Variants in IL1RAPL1 observed in about 807,000 individuals in gnomAD.
The protein encoded by IL1RAPL1 is interleukin 1 receptor accessory protein like 1.
IL1RAPL1 carries 3 observed loss-of-function variants against 48.4 expected under a neutral mutation model. That is an observed-to-expected ratio of 0.06 (90% confidence interval 0.03 to 0.16). The LOEUF is 0.16. Among genes scored for constraint, IL1RAPL1 ranks in the 10% least tolerant of loss-of-function variants. The pLI, the probability that IL1RAPL1 is intolerant of heterozygous loss-of-function variation, is 1.00. For synonymous variants in IL1RAPL1, 185 were observed against 187.7 expected, an observed-to-expected ratio of 0.99 and a Z score of 0.12; for missense variants, 349 against 530.6, an observed-to-expected ratio of 0.66 and a Z score of 3.36.
chrX:29,604,275 A>C (rs955305027), intron 5 of IL1RAPL1, among the ~76,000 whole-genome samples: 4 of 111,970 alleles, frequency 3.6e-5, no homozygotes, highest in African/African-American at 1.3e-4. Context: ...GAGGATCAGG[A>C]TCAATCTATA....
chrX:29,447,059 A>G (rs766814884), intron 5 of IL1RAPL1, among the ~76,000 whole-genome samples: 55 of 111,573 alleles, frequency 4.9e-4, no homozygotes, highest in Admixed American at 3.4e-3. Context: ...AAATCAACTA[A>G]ATACATTTAT....
chrX:29,134,213 T>C (rs1263265337), intron 2 of IL1RAPL1, among the ~76,000 whole-genome samples: 2 of 111,702 alleles, frequency 1.8e-5, no homozygotes, highest in Non-Finnish European at 3.8e-5. Context: ...ATAAATACTT[T>C]GGAGTGTGAC....
At chrX:28,836,670 G>A (rs896652987) in intron 2 of IL1RAPL1, among the ~76,000 whole-genome samples, 13 of 109,846 alleles carry the variant, frequency 1.2e-4, no homozygotes, top group Non-Finnish European at 2.1e-4. Context: ...AAGGTCACAC[G>A]ATCTACGAGA....
intron 2 of IL1RAPL1, among the ~76,000 whole-genome samples, chrX:28,909,990 G>A (rs1923316659): frequency 9.0e-6 from 1 of 111,641 alleles, no homozygotes; most frequent in Non-Finnish European, 1.9e-5. Flanking sequence ...GAAATTTGGA[G>A]TATTGTATTT....
chrX:29,115,625 C>G (rs974523762), intron 2 of IL1RAPL1, among the ~76,000 whole-genome samples: 1 of 109,578 alleles, frequency 9.1e-6, no homozygotes, highest in African/African-American at 3.3e-5. Flanking sequence ...ATATGTCTCT[C>G]TCTCCCTTAT....
intron 2 of IL1RAPL1, among the ~76,000 whole-genome samples, chrX:29,182,819 G>A (rs1342335346): frequency 1.8e-5 from 2 of 111,682 alleles, no homozygotes; most frequent in Non-Finnish European, 3.8e-5. Context: ...AAGATCTTGA[G>A]ATGGGGAGAT....
intron 5 of IL1RAPL1, among the ~76,000 whole-genome samples, chrX:29,583,745 G>A (rs1427934306): frequency 9.9e-6 from 1 of 101,393 alleles, no homozygotes; most frequent in Non-Finnish European, 2.0e-5. Context: ...AACCAAAAAA[G>A]AGCCCGCATC....
At chrX:29,367,550 A>T (rs866712501) in intron 3 of IL1RAPL1, among the ~76,000 whole-genome samples, 2 of 91,430 alleles carry the variant, frequency 2.2e-5, no homozygotes, top group African/African-American at 4.1e-5. Context: ...GCTTCTATTT[A>T]TTTTTATTTA....
At chrX:29,143,165 G>A (rs770882803) in intron 2 of IL1RAPL1, among the ~76,000 whole-genome samples, 5 of 111,044 alleles carry the variant, frequency 4.5e-5, no homozygotes, top group Admixed American at 9.6e-5. Flanking sequence ...TGTATGAGAC[G>A]GAAACATGGA....
chrX:28,905,949 A>G (rs1033968500), intron 2 of IL1RAPL1, among the ~76,000 whole-genome samples: 2 of 112,095 alleles, frequency 1.8e-5, no homozygotes, highest in African/African-American at 6.5e-5. Flanking sequence ...TCACACTGCT[A>G]TAAAGAAATA....
chrX:28,640,442 T>A (rs774183555), intron 1 of IL1RAPL1, among the ~76,000 whole-genome samples: 1 of 110,412 alleles, frequency 9.1e-6, no homozygotes, highest in East Asian at 2.9e-4. Context: ...GCCCCCCAGG[T>A]TCATGCGATC....
chrX:29,797,706 C>G lies in IL1RAPL1; in HGVS notation c.779-119758C>G, dbSNP rs192193450. On this transcript the variant is annotated intron_variant, in intron 6 of 10. Transcript: ENST00000378993. ...TGGCCAACATGGTGAAACCCTGTCTCTACCAAAAACCCAAAAATTAGCCAG... is the reference window on the plus strand; with the variant it reads ...TGGCCAACATGGTGAAACCCTGTCTGTACCAAAAACCCAAAAATTAGCCAG... Among the ~76,000 whole-genome samples the G allele has an allele frequency of 2.0e-3, 218 of 110,871 alleles. 1 individual carries two copies. Among genetic ancestry groups the G allele is most frequent in the African/African-American group, 6.7e-3 (204 of 30,499 alleles).
intron 2 of IL1RAPL1, among the ~76,000 whole-genome samples, chrX:29,077,422 G>A (rs1187344742): frequency 9.1e-6 from 1 of 110,168 alleles, no homozygotes; most frequent in Non-Finnish European, 1.9e-5. Context: ...GGTCAGCATG[G>A]TGAAACCCCA....
chrX:29,543,115 TTCTCTCTCTC>T (rs59836290), intron 5 of IL1RAPL1, among the ~76,000 whole-genome samples: 24 of 91,694 alleles, frequency 2.6e-4, no homozygotes, highest in South Asian at 6.2e-4. Flanking sequence ...ATCTGTTCGT[TTCTCTCTCTC>T]TCTCTCTCTC....
intron 6 of IL1RAPL1, among the ~76,000 whole-genome samples, chrX:29,803,399 A>ATATGTGTATACATGTATACACATATG: frequency 4.7e-5 from 4 of 84,926 alleles, no homozygotes; most frequent in Non-Finnish European, 6.8e-5. Context: ...ACACATATGT[A>ATATGTGTATACATGTATACACATATG]TATATGTGTA....
chrX:29,572,877 T>G lies in IL1RAPL1; in HGVS notation c.704-95553T>G, dbSNP rs369419809. On this transcript the variant is annotated intron_variant, in intron 5 of 10. Transcript: ENST00000378993. ...GCAATACATTCCAGTTGCATGCAAATGTAAATACCTTCTCTCAATTGCCTG... is the reference window on the plus strand; with the variant it reads ...GCAATACATTCCAGTTGCATGCAAAGGTAAATACCTTCTCTCAATTGCCTG... Among the ~76,000 whole-genome samples the G allele has an allele frequency of 2.7e-5, 3 of 112,869 alleles. No homozygotes were observed. In the South Asian group the frequency reaches 1.1e-3, roughly 41 times the overall value.
rs186294151 is a variant in IL1RAPL1, at chrX:28,970,198, C to T, written c.82+180773C>T. 4.8e-4 allele frequency among the ~76,000 whole-genome samples: 54 copies of T among 111,802 alleles called. 1 individual carries two copies. Among genetic ancestry groups the T allele is most frequent in the African/African-American group, 1.7e-3 (53 of 30,777 alleles). On this transcript the variant is annotated intron_variant, in intron 2 of 10. Coordinates refer to ENST00000378993, the MANE Select transcript of IL1RAPL1 (RefSeq NM_014271.4). The stretch of plus-strand genomic sequence containing the variant: ...TGTATTTGTAGTACAGATGGGGTTT[C>T]ACCATGTTGGCCAGGCTAGTCTCAA...
At chrX:29,820,071 G>T (rs1930577366) in intron 6 of IL1RAPL1, among the ~76,000 whole-genome samples, 2 of 105,499 alleles carry the variant, frequency 1.9e-5, no homozygotes, top group African/African-American at 6.8e-5. Flanking sequence ...ATATTTATAT[G>T]ATATATACTT....
At chrX:29,442,719 G>A (rs1362293802) in intron 5 of IL1RAPL1, among the ~76,000 whole-genome samples, 1 of 109,600 alleles carries the variant, frequency 9.1e-6, no homozygotes, top group Non-Finnish European at 1.9e-5. Flanking sequence ...CTAGCTGGGT[G>A]TGCTGGTCCA....
Sources: gnomAD v4.1 joint callset for allele counts (sites outside exome capture counted in the v4.1 genomes callset) on GRCh38, gnomAD v4.1.1 for gene constraint, MANE v1.5 for transcripts, NCBI Gene and HGNC (gene_info 2026-07-23, HGNC 2026-07-21) for gene names.